The following TAF3 variants were observed in gnomAD, a reference collection of about 807,000 sequenced individuals.
TAF3 encodes transcription initiation factor TFIID subunit 3.
In TAF3, 7 loss-of-function variants were observed where a neutral mutation model predicts 80.6. The ratio of observed to expected loss-of-function variants is 0.09; its 90% CI spans 0.05 to 0.16. The LOEUF is 0.16. TAF3 is among the 10% of genes least tolerant of loss of function. The probability of loss-of-function intolerance (pLI) is 1.00; values close to 1 mark genes in which losing one functional copy is unlikely to be tolerated. For missense variants in TAF3, 921 were observed against 1,140.2 expected, an observed-to-expected ratio of 0.81 and a Z score of 2.77; for synonymous variants, 444 against 446.1, an observed-to-expected ratio of 1.00 and a Z score of 0.06.
At chr10:7,866,934 T>A (rs4749317) in intron 2 of TAF3, among the ~76,000 whole-genome samples, 31,611 of 152,086 alleles carry the variant, frequency 0.21, 3,358 homozygotes, top group East Asian at 0.3. Flanking sequence ...ATGTGCAATT[T>A]AAATTCCAAA....
At chr10:7,968,651 G>A (rs1831594850) in intron 3 of TAF3, among the ~76,000 whole-genome samples, 1 of 152,136 alleles carries the variant, frequency 6.6e-6, no homozygotes, top group Non-Finnish European at 1.5e-5. Context: ...GATAGATGCT[G>A]TAATTATTAT....
intron 2 of TAF3, among the ~76,000 whole-genome samples, chr10:7,847,254 A>G (rs555097441): frequency 7.2e-5 from 11 of 152,226 alleles, no homozygotes; most frequent in Non-Finnish European, 1.5e-4. Flanking sequence ...ATTTGTCAAT[A>G]TGAATTGACA....
chr10:7,999,824 C>A (rs1321397994), intron 4 of TAF3, among the ~76,000 whole-genome samples: 1 of 152,084 alleles, frequency 6.6e-6, no homozygotes, highest in African/African-American at 2.4e-5. Context: ...CTCCTTTGAC[C>A]CTGTCCTTGT....
Position 7,818,539 on chromosome 10 carries a change from T to G in TAF3, c.-171T>G. On this transcript the variant is annotated 5_prime_UTR_variant, in exon 1 of 7. Transcript: ENST00000344293. ...CGGAGCGAGTCCAAAATGGCGGCTC[T>G]CAGGCTGGCGCGCTCCGTGCTGCTG... 1 of 623,718 alleles carries G rather than the reference T, an allele frequency of 1.6e-6. No individual in the cohort carries two copies. The highest frequency in any genetic ancestry group is 2.5e-6 in the Non-Finnish European group (1 of 398,804). The allele number at this position is 623,718 out of a possible 1,614,324, so 38.6% of individuals were successfully genotyped here. A position where few individuals can be genotyped will look rare whatever the true frequency, so the allele number is the denominator to read the frequency against.
chr10:7,936,149 A>G (rs1837917919), intron 2 of TAF3, among the ~76,000 whole-genome samples: 1 of 152,172 alleles, frequency 6.6e-6, no homozygotes, highest in Non-Finnish European at 1.5e-5. Context: ...AACAAGGAAG[A>G]CGGGCCCTGA....
chr10:7,858,416 C>T (rs189131570), intron 2 of TAF3, among the ~76,000 whole-genome samples: 3 of 152,278 alleles, frequency 2.0e-5, no homozygotes, highest in Non-Finnish European at 2.9e-5. Flanking sequence ...ATGATACAAT[C>T]GTTTATGTCA....
chr10:7,878,104 T>C (rs1837327211), intron 2 of TAF3, among the ~76,000 whole-genome samples: 1 of 152,188 alleles, frequency 6.6e-6, no homozygotes, highest in Admixed American at 6.5e-5. Context: ...TCCTGTGTTA[T>C]TAATTCTAAA....
chr10:7,950,905 C>A (rs1342309548), intron 2 of TAF3, among the ~76,000 whole-genome samples: 4 of 152,178 alleles, frequency 2.6e-5, no homozygotes, highest in Admixed American at 2.6e-4. Context: ...GGTCCCAGTG[C>A]CAGAGGCTGT....
At chr10:7,997,754 G>C (rs1831902995) in intron 4 of TAF3, among the ~76,000 whole-genome samples, 1 of 152,122 alleles carries the variant, frequency 6.6e-6, no homozygotes, top group South Asian at 2.1e-4. Flanking sequence ...GAAAGCTCTG[G>C]ACGAGAACTT....
chr10:7,858,806 CTGTGTG>C (rs34538206), intron 2 of TAF3, among the ~76,000 whole-genome samples: 123 of 150,662 alleles, frequency 8.2e-4, no homozygotes, highest in African/African-American at 2.8e-3. Flanking sequence ...ATTATAGGCT[CTGTGTG>C]TGTGTGTGTG....
intron 2 of TAF3, among the ~76,000 whole-genome samples, chr10:7,824,805 A>G (rs1218759849): frequency 1.3e-5 from 2 of 152,230 alleles, no homozygotes; most frequent in Non-Finnish European, 2.9e-5. Flanking sequence ...GTAGAGGAAA[A>G]CAGTGAAGCC....
chr10:7,931,360 T>C (rs577347931), intron 2 of TAF3, among the ~76,000 whole-genome samples: 1 of 152,290 alleles, frequency 6.6e-6, no homozygotes, highest in Admixed American at 6.5e-5. Flanking sequence ...CACTATGCCA[T>C]ATTTATTTTC....
intron 2 of TAF3, among the ~76,000 whole-genome samples, chr10:7,952,042 A>G (rs1308853834): frequency 6.6e-6 from 1 of 152,236 alleles, no homozygotes; most frequent in Non-Finnish European, 1.5e-5. Flanking sequence ...AATAAACTGT[A>G]TCCTATGCAT....
At chr10:7,890,721 T>A (rs1460072750) in intron 2 of TAF3, among the ~76,000 whole-genome samples, 1 of 152,216 alleles carries the variant, frequency 6.6e-6, no homozygotes, top group Non-Finnish European at 1.5e-5. Flanking sequence ...AAGCAATCAG[T>A]GCAGAATTCT....
At chr10:7,822,522 A>G (rs1014475892) in intron 1 of TAF3, among the ~76,000 whole-genome samples, 14 of 151,788 alleles carry the variant, frequency 9.2e-5, no homozygotes, top group Non-Finnish European at 8.8e-5. Flanking sequence ...AAGTATGTGG[A>G]GTTAGAAGTC....
intron 2 of TAF3, among the ~76,000 whole-genome samples, chr10:7,881,769 G>C (rs1837364839): frequency 6.6e-6 from 1 of 152,198 alleles, no homozygotes; most frequent in African/African-American, 2.4e-5. Flanking sequence ...TTTCCAGCTT[G>C]AGTTCTCCTT....
chr10:7,891,331 C>T (rs1308626933), intron 2 of TAF3, among the ~76,000 whole-genome samples: 3 of 152,044 alleles, frequency 2.0e-5, no homozygotes, highest in African/African-American at 7.3e-5. Flanking sequence ...TAGTAAAAGA[C>T]ACAGATACAA....
intron 1 of TAF3, among the ~76,000 whole-genome samples, chr10:7,823,221 G>A (rs76495453): frequency 0.028 from 4,279 of 152,154 alleles, 86 homozygotes; most frequent in South Asian, 0.084. Flanking sequence ...TATTTATTGA[G>A]TGCCAGCTAT....
chr10:7,943,714 A>G (rs1437263887), intron 2 of TAF3, among the ~76,000 whole-genome samples: 1 of 152,238 alleles, frequency 6.6e-6, no homozygotes, highest in Admixed American at 6.5e-5. Context: ...CCAACCAAAT[A>G]TAATTCTACA....
Sources: allele counts gnomAD v4.1 joint callset (sites outside exome capture counted in the v4.1 genomes callset), GRCh38; gene constraint gnomAD v4.1.1; transcripts MANE v1.5; gene names NCBI Gene and HGNC (gene_info 2026-07-23, HGNC 2026-07-21).